The following AGBL1 variants were observed in gnomAD, a reference collection of about 807,000 sequenced individuals.
AGBL1 encodes AGBL carboxypeptidase 1, also known as cytosolic carboxypeptidase 4.
In AGBL1, 130 loss-of-function variants were observed where a neutral mutation model predicts 118.9. The ratio of observed to expected loss-of-function variants is 1.09; its 90% CI spans 0.95 to 1.26. AGBL1 has a LOEUF of 1.26. Ranked by LOEUF, AGBL1 falls within the 50% of genes most tolerant of loss-of-function variation. The pLI is 0.00. For synonymous variants in AGBL1, 555 were observed against 478.9 expected (o/e 1.16, Z -2.08); for missense variants, 1,584 against 1,298.1 (o/e 1.22, Z -3.38).
chr15:86,154,591 T>C, intron 4 of AGBL1, 30 bp downstream of exon 4: 1 of 1,584,342 alleles, frequency 6.3e-7, no homozygotes, highest in South Asian at 1.1e-5. Flanking sequence ...CTCTCGGGGA[T>C]GGCTTCCAAA....
chr15:86,225,051 T>A (rs2078340064), intron 6 of AGBL1, 100 bp downstream of exon 6: 8 of 1,042,178 alleles, frequency 7.7e-6, no homozygotes, highest in Non-Finnish European at 1.1e-5. Context: ...TTTTTTTTCA[T>A]GAACTACTAT....
chr15:86,410,857 AT>A (rs1266237667), intron 18 of AGBL1, among the ~76,000 whole-genome samples: 25 of 109,448 alleles, frequency 2.3e-4, no homozygotes, highest in South Asian at 1.0e-3. Context: ...ACTATTTTAT[AT>A]ATAAAATATA....
intron 22 of AGBL1, among the ~76,000 whole-genome samples, chr15:86,680,565 CTTTTTTTT>C (rs34873609): frequency 2.1e-5 from 2 of 94,704 alleles, no homozygotes; most frequent in Non-Finnish European, 4.0e-5. Context: ...TCTTTCTTTT[CTTTTTTTT>C]TTTTTTTTTT....
chr15:86,664,331 C>A (rs1330734771), intron 21 of AGBL1, among the ~76,000 whole-genome samples: 2 of 152,148 alleles, frequency 1.3e-5, no homozygotes, highest in Admixed American at 1.3e-4. Context: ...ATCCACCAGC[C>A]CTCATGCTTT....
intron 3 of AGBL1, among the ~76,000 whole-genome samples, chr15:86,144,804 T>G (rs1411218300): frequency 6.6e-6 from 1 of 152,192 alleles, no homozygotes; most frequent in Non-Finnish European, 1.5e-5. Flanking sequence ...CATTTACCCT[T>G]GAACTTAAAA....
chr15:86,829,714 A>G (rs1188808007), intron 22 of AGBL1, among the ~76,000 whole-genome samples: 1 of 152,194 alleles, frequency 6.6e-6, no homozygotes, highest in Non-Finnish European at 1.5e-5. Flanking sequence ...AGCAGATTTG[A>G]GGGAGAGATA....
chr15:86,104,509 G>A (rs570376925), intron 1 of AGBL1, among the ~76,000 whole-genome samples: 1 of 152,320 alleles, frequency 6.6e-6, no homozygotes, highest in East Asian at 1.9e-4. Context: ...CTTTGGCCCT[G>A]GGTGCAGCAG....
intron 18 of AGBL1, among the ~76,000 whole-genome samples, chr15:86,450,301 G>A (rs970999595): frequency 3.3e-5 from 5 of 152,042 alleles, no homozygotes; most frequent in Non-Finnish European, 7.4e-5. Flanking sequence ...TTTTTTCCTT[G>A]TCAAATCCCT....
chr15:86,472,139 C>T (rs748238515), intron 18 of AGBL1, among the ~76,000 whole-genome samples: 1 of 152,120 alleles, frequency 6.6e-6, no homozygotes, highest in East Asian at 1.9e-4. Context: ...ATTGCTGACA[C>T]CTTGATTTCA....
At chr15:86,439,031 T>C (rs531765419) in intron 18 of AGBL1, among the ~76,000 whole-genome samples, 60 of 152,252 alleles carry the variant, frequency 3.9e-4, no homozygotes, top group African/African-American at 1.4e-3. Context: ...CTATCTGCTA[T>C]TGAAAATCTT....
chr15:87,002,439 T>G (rs1430581161), intron 24 of AGBL1, among the ~76,000 whole-genome samples: 1 of 151,916 alleles, frequency 6.6e-6, no homozygotes, highest in Non-Finnish European at 1.5e-5. Flanking sequence ...TCTTTGGGCT[T>G]AGGATTGACT....
intron 21 of AGBL1, among the ~76,000 whole-genome samples, chr15:86,608,859 G>A (rs755731632): frequency 6.6e-6 from 1 of 152,166 alleles, no homozygotes; most frequent in Non-Finnish European, 1.5e-5. Flanking sequence ...TGAGCATCAT[G>A]AAACATATCT....
intron 21 of AGBL1, among the ~76,000 whole-genome samples, chr15:86,599,521 C>A (rs1301309595): frequency 6.6e-6 from 1 of 151,912 alleles, no homozygotes; most frequent in Non-Finnish European, 1.5e-5. Context: ...TTTCAAGTAC[C>A]TCAAATCCTT....
intron 19 of AGBL1, among the ~76,000 whole-genome samples, chr15:86,525,889 C>T (rs1174424732): frequency 6.6e-6 from 1 of 152,010 alleles, no homozygotes; most frequent in Admixed American, 6.6e-5. Flanking sequence ...AAACTAAGTA[C>T]CTTTTGCATG....
At chr15:86,531,824 G>A (rs1428482525) in intron 19 of AGBL1, among the ~76,000 whole-genome samples, 3 of 141,108 alleles carry the variant, frequency 2.1e-5, no homozygotes, top group Non-Finnish European at 4.6e-5. Context: ...ATCAATAAAT[G>A]TAATCCAGCA....
At chr15:86,516,633 C>T (rs1044990931) in intron 18 of AGBL1, among the ~76,000 whole-genome samples, 4 of 152,032 alleles carry the variant, frequency 2.6e-5, no homozygotes, top group Non-Finnish European at 5.9e-5. Flanking sequence ...AACCCTGTCT[C>T]TACTAAAAAT....
chr15:86,157,682 A>G (rs544652139), intron 4 of AGBL1, among the ~76,000 whole-genome samples: 2 of 152,162 alleles, frequency 1.3e-5, no homozygotes, highest in African/African-American at 4.8e-5. Context: ...GCGGATTACT[A>G]TCTTTTCCGT....
At chr15:86,321,628 T>A (rs1206728529) in intron 17 of AGBL1, among the ~76,000 whole-genome samples, 3 of 149,412 alleles carry the variant, frequency 2.0e-5, no homozygotes, top group Non-Finnish European at 3.0e-5. Context: ...AAAAAAAAAA[T>A]TAGTTGAGCA....
chr15:86,677,709 C>A (rs2085874450), intron 22 of AGBL1, among the ~76,000 whole-genome samples: 1 of 152,132 alleles, frequency 6.6e-6, no homozygotes, highest in African/African-American at 2.4e-5. Context: ...AAATTATAGT[C>A]CTGTTGCTTT....
Sources: allele counts gnomAD v4.1 joint callset (sites outside exome capture counted in the v4.1 genomes callset), GRCh38; gene constraint gnomAD v4.1.1; transcripts MANE v1.5; gene names NCBI Gene and HGNC (gene_info 2026-07-23, HGNC 2026-07-21).